FSTL5: variants seen among roughly 807,000 people sequenced by gnomAD.
FSTL5 encodes the protein follistatin-related protein 5.
FSTL5 carries 62 observed loss-of-function variants against 89.1 expected under a neutral mutation model. That is an observed-to-expected ratio of 0.70 (90% CI 0.57 to 0.86). FSTL5 has a LOEUF of 0.86. Ranked by LOEUF, FSTL5 falls within the 40% of genes least tolerant of loss-of-function variation. The pLI is 0.00. For synonymous variants in FSTL5, 383 were observed against 346.2 expected (o/e 1.11, Z -1.18); for missense variants, 1,057 against 1,001.6 (o/e 1.06, Z -0.75).
chr4:161,392,795 CAG>C (rs1251256157), intron 15 of FSTL5, among the ~76,000 whole-genome samples: 3 of 152,082 alleles, frequency 2.0e-5, no homozygotes, highest in Admixed American at 2.0e-4. Flanking sequence ...ATAGAAGAAA[CAG>C]AGTAAGCAAT....
intron 6 of FSTL5, among the ~76,000 whole-genome samples, chr4:161,757,946 A>G (rs1488505800): frequency 3.3e-5 from 5 of 152,112 alleles, no homozygotes; most frequent in Non-Finnish European, 7.4e-5. Context: ...ATCATTTTTG[A>G]AAAGTAGCTA....
At chr4:161,980,226 A>G (rs1236729472) in intron 3 of FSTL5, among the ~76,000 whole-genome samples, 2 of 150,154 alleles carry the variant, frequency 1.3e-5, no homozygotes, top group South Asian at 4.3e-4. Context: ...GGAAAGAAGA[A>G]AGGAAGAAAG....
chr4:161,676,612 C>A (rs1737313131), intron 6 of FSTL5, among the ~76,000 whole-genome samples: 1 of 151,816 alleles, frequency 6.6e-6, no homozygotes, highest in African/African-American at 2.4e-5. Flanking sequence ...TGTTAACAAA[C>A]CTGCACGTTC....
At chr4:161,561,232 T>A (rs565577431) in intron 8 of FSTL5, among the ~76,000 whole-genome samples, 5 of 152,036 alleles carry the variant, frequency 3.3e-5, no homozygotes, top group South Asian at 4.1e-4. Context: ...GATAGATAGA[T>A]GATAGACAGA....
At chr4:161,752,191 C>A (rs1740416498) in intron 6 of FSTL5, among the ~76,000 whole-genome samples, 1 of 151,398 alleles carries the variant, frequency 6.6e-6, no homozygotes, top group Admixed American at 6.6e-5. Flanking sequence ...TGTGAAACCA[C>A]TATAGATGTT....
intron 15 of FSTL5, among the ~76,000 whole-genome samples, chr4:161,431,449 A>T (rs1485697522): frequency 7.2e-6 from 1 of 138,500 alleles, no homozygotes; most frequent in Non-Finnish European, 1.5e-5. Flanking sequence ...AACCTCAAAT[A>T]AAAAAAAAAA....
intron 13 of FSTL5, among the ~76,000 whole-genome samples, chr4:161,463,450 T>G (rs1733647024): frequency 6.6e-6 from 1 of 152,220 alleles, no homozygotes; most frequent in Admixed American, 6.5e-5. Flanking sequence ...TATATGATTT[T>G]CATCAACAGA....
chr4:161,610,019 A>G (rs1436990822), intron 7 of FSTL5, among the ~76,000 whole-genome samples: 1 of 152,178 alleles, frequency 6.6e-6, no homozygotes, highest in African/African-American at 2.4e-5. Context: ...CTACTTTGGA[A>G]TAATCACTTT....
intron 3 of FSTL5, among the ~76,000 whole-genome samples, chr4:161,970,713 C>T (rs1735459358): frequency 6.6e-6 from 1 of 151,860 alleles, no homozygotes; most frequent in Non-Finnish European, 1.5e-5. Flanking sequence ...AAAATGTAAT[C>T]CTTGTTCAAG....
At chr4:162,017,014 A>T (rs1736934062) in intron 3 of FSTL5, among the ~76,000 whole-genome samples, 1 of 152,220 alleles carries the variant, frequency 6.6e-6, no homozygotes, top group Non-Finnish European at 1.5e-5. Flanking sequence ...ACAAGATTAA[A>T]CATAGGCTTA....
intron 15 of FSTL5, among the ~76,000 whole-genome samples, chr4:161,427,425 A>G (rs923971712): frequency 6.6e-6 from 1 of 152,196 alleles, no homozygotes; most frequent in East Asian, 1.9e-4. Flanking sequence ...TAAAGCAGAG[A>G]TGATGTGAGG....
intron 4 of FSTL5, among the ~76,000 whole-genome samples, chr4:161,904,355 C>T (rs1040807712): frequency 1.3e-5 from 2 of 152,056 alleles, no homozygotes; most frequent in South Asian, 4.1e-4. Flanking sequence ...CCTAATTTCA[C>T]TTATTCTACT....
intron 7 of FSTL5, among the ~76,000 whole-genome samples, chr4:161,652,067 G>A (rs758526131): frequency 1.9e-4 from 29 of 151,994 alleles, no homozygotes; most frequent in Non-Finnish European, 3.5e-4. Flanking sequence ...TGAGGCAATC[G>A]GGCTACGTAA....
chr4:161,950,288 C>T (rs1246329593), intron 3 of FSTL5, among the ~76,000 whole-genome samples: 1 of 152,106 alleles, frequency 6.6e-6, no homozygotes, highest in Non-Finnish European at 1.5e-5. Flanking sequence ...TAACTCTTAC[C>T]TATTTTAATT....
intron 6 of FSTL5, among the ~76,000 whole-genome samples, chr4:161,694,088 T>C (rs1382509028): frequency 7.3e-6 from 1 of 137,784 alleles, no homozygotes; most frequent in Non-Finnish European, 1.6e-5. Flanking sequence ...TTTAGGTTTA[T>C]CTGTTCTCTC....
chr4:161,528,969 A>T (rs4266250), intron 10 of FSTL5, among the ~76,000 whole-genome samples: 1 of 141,932 alleles, frequency 7.0e-6, no homozygotes, highest in Non-Finnish European at 1.5e-5. Context: ...CATCATCATC[A>T]TCAACTTATC....
At chr4:161,555,419 A>G (rs1732354268) in intron 8 of FSTL5, among the ~76,000 whole-genome samples, 1 of 151,504 alleles carries the variant, frequency 6.6e-6, no homozygotes, top group African/African-American at 2.4e-5. Flanking sequence ...AAGAAAGAAT[A>G]AATGAGAAAA....
In FSTL5 at chr4:161,403,306, T is replaced by C. The variant is rs537032348; in HGVS notation, c.1842-16857A>G. On this transcript the variant is annotated intron_variant, in intron 15 of 15. Coordinates refer to ENST00000306100, the MANE Select transcript of FSTL5 (RefSeq NM_020116.5). ...CTTCACAAGACTAACACCATTTTTG[T>C]GTGTGTGTGTGTTTGTTTGTTTTCT... Among the ~76,000 whole-genome samples the C allele has an allele frequency of 5.3e-5, 8 of 151,926 alleles. No individual in the cohort carries two copies. In the South Asian group the frequency reaches 1.2e-3, roughly 24 times the overall value.
chr4:162,106,515 T>C (rs1454975749), intron 2 of FSTL5, among the ~76,000 whole-genome samples: 1 of 152,164 alleles, frequency 6.6e-6, no homozygotes, highest in Non-Finnish European at 1.5e-5. Context: ...TGCTGAACTA[T>C]TAATACATAC....
Sources: gnomAD v4.1 joint callset for allele counts (sites outside exome capture counted in the v4.1 genomes callset) on GRCh38, gnomAD v4.1.1 for gene constraint, MANE v1.5 for transcripts, NCBI Gene and HGNC (gene_info 2026-07-23, HGNC 2026-07-21) for gene names.